PARVB: variants seen among roughly 807,000 people sequenced by gnomAD.
The protein encoded by PARVB is parvin beta.
Under a neutral mutation model 47.0 loss-of-function variants are expected in PARVB, and 46 were observed. The ratio of observed to expected loss-of-function variants is 0.98; its 90% CI spans 0.77 to 1.25. The LOEUF (loss-of-function observed/expected upper bound fraction) is 1.25. PARVB is among the 50% of genes most tolerant of loss of function. The pLI is 0.00. For synonymous variants in PARVB, 196 were observed against 196.3 expected, an observed-to-expected ratio of 1.00 and a Z score of 0.01; for missense variants, 473 against 471.6, an observed-to-expected ratio of 1.00 and a Z score of -0.03.
chr22:44,166,726 C>G (rs2054176238), intron 12 of PARVB, among the ~76,000 whole-genome samples: 1 of 152,264 alleles, frequency 6.6e-6, no homozygotes, highest in Non-Finnish European at 1.5e-5. Context: ...TGGGCCAGCA[C>G]TGGGCAGGGG....
Position 44,125,818 on chromosome 22 carries a change from G to T in PARVB, c.377-5669G>T, listed in dbSNP as rs1284916529. Among the ~76,000 whole-genome samples, 3 of 152,200 alleles carry T rather than the reference G, an allele frequency of 2.0e-5. No homozygotes were observed. Among genetic ancestry groups the T allele is most frequent in the African/African-American group, 7.2e-5 (3 of 41,432 alleles). ...GGCTTCTGGGTGCAGGATGGATGGGGAGGAGAGTCAGGAGTTGGAACTGAG... is the reference window on the plus strand; with the variant it reads ...GGCTTCTGGGTGCAGGATGGATGGGTAGGAGAGTCAGGAGTTGGAACTGAG... On this transcript the variant is annotated intron_variant, in intron 4 of 12. Transcript: ENST00000338758. The surrounding 1 kb of genome is among the most constrained non-coding windows in gnomAD (Gnocchi z 4.1).
chr22:44,024,089 G>C (rs761585537), upstream of PARVB, among the ~76,000 whole-genome samples: 5 of 152,158 alleles, frequency 3.3e-5, no homozygotes, highest in African/African-American at 7.2e-5. Flanking sequence ...AACGCGTAGG[G>C]AAAAGGCTGC....
chr22:44,007,428 C>T (rs927853495), intron 2 of PARVB, among the ~76,000 whole-genome samples: 2 of 152,164 alleles, frequency 1.3e-5, no homozygotes, highest in Non-Finnish European at 2.9e-5. Context: ...GCCAGAGCAT[C>T]CTTTATTCTC....
At chr22:44,134,840 C>T (rs1272929765) in intron 6 of PARVB, among the ~76,000 whole-genome samples, 1 of 152,186 alleles carries the variant, frequency 6.6e-6, no homozygotes, top group African/African-American at 2.4e-5. Context: ...CAATGCTTTT[C>T]CCCATAAAAC....
intron 1 of PARVB, among the ~76,000 whole-genome samples, chr22:44,045,257 A>G (rs1232065377): frequency 1.3e-5 from 2 of 152,146 alleles, no homozygotes; most frequent in Non-Finnish European, 2.9e-5. Flanking sequence ...CTCTGTCTAA[A>G]TAAATAAATA....
In PARVB at chr22:44,100,051, AGAG is replaced by A. The variant is rs748653684; in HGVS notation, c.205_207del (p.Glu69del). 1.4e-4 allele frequency: 223 copies of A among 1,613,626 alleles called. No individual in the cohort carries two copies. Among genetic ancestry groups the A allele is most frequent in the Non-Finnish European group, 1.8e-4 (208 of 1,179,702 alleles). ...ACCGTGACTTCCTTTTGTCCCTGGC[AGAG>A]GAGAACGAGGAGCGCACGATGATTG... On this transcript the variant is annotated splice_acceptor_variant and coding_sequence_variant, in exon 3 of 13. Transcript: ENST00000338758. LOFTEE classifies it high-confidence loss of function.
rs1334643982 is a variant in PARVB, at chr22:44,172,139, G to A, written c.*3461G>A. The stretch of plus-strand genomic sequence containing the variant: ...CCATCAGTTTGAGTCTGAATTCATA[G>A]CATGGCCTGGACAGATGCAGCAAGG... On this transcript the variant is annotated 3_prime_UTR_variant, in exon 13 of 13. Coordinates refer to ENST00000338758, the MANE Select transcript of PARVB (RefSeq NM_013327.5). 2 of 151,788 alleles carry A rather than the reference G, an allele frequency of 1.3e-5. No individual in the cohort carries two copies. Among genetic ancestry groups the A allele is most frequent in the Non-Finnish European group, 2.9e-5 (2 of 67,846 alleles). The allele number at this position is 151,788 out of a possible 1,614,324, so 9.4% of individuals were successfully genotyped here.
chr22:44,062,188 C>A (rs1233528113), intron 1 of PARVB, among the ~76,000 whole-genome samples: 2 of 152,174 alleles, frequency 1.3e-5, no homozygotes, highest in Non-Finnish European at 2.9e-5. Context: ...CCAGCAGACA[C>A]CAGCTGGGTG....
At position 44,120,174 on chromosome 22, in the gene PARVB, G is replaced by C. The variant is rs6006657; in HGVS notation, c.376+1034G>C. 7.4e-3 allele frequency among the ~76,000 whole-genome samples: 1,123 copies of C among 152,298 alleles called. 14 individuals are homozygous for C. Among genetic ancestry groups the C allele is most frequent in the African/African-American group, 0.026 (1,084 of 41,560 alleles). On this transcript the variant is annotated intron_variant, in intron 4 of 12. Coordinates refer to ENST00000338758, the MANE Select transcript of PARVB (RefSeq NM_013327.5). ...TGACCTGTCTACGGAGCAGCCCCAG[G>C]TACAGGGCCTGGGTCAGGCGCTCCT...
chr22:43,999,727 C>G (rs915078150), intron 2 of PARVB: 1 of 1,283,066 alleles, frequency 7.8e-7, no homozygotes, highest in African/African-American at 1.5e-5. Flanking sequence ...GGTGCAGTGG[C>G]TCATGCCTGT....
intron 1 of PARVB, among the ~76,000 whole-genome samples, chr22:44,090,639 G>A (rs2052143680): frequency 2.6e-5 from 4 of 152,258 alleles, no homozygotes; most frequent in Non-Finnish European, 5.9e-5. Flanking sequence ...CCAGGCACAT[G>A]GGTGCAGTGC....
chr22:44,168,515 T>A (rs566589642), intron 12 of PARVB, 87 bp from the exon 13 acceptor site: 3 of 863,704 alleles, frequency 3.5e-6, no homozygotes, highest in East Asian at 4.8e-5. Flanking sequence ...GCAGCTGGTG[T>A]CATGCTGGAG....
At chr22:44,002,367 C>A (rs577813812) in intron 2 of PARVB, among the ~76,000 whole-genome samples, 1 of 152,318 alleles carries the variant, frequency 6.6e-6, no homozygotes, top group Admixed American at 6.5e-5. Flanking sequence ...GACTTAAGCA[C>A]CCTCCTTTTA....
chr22:44,048,567 T>G (rs1380108323), intron 1 of PARVB, among the ~76,000 whole-genome samples: 2 of 151,780 alleles, frequency 1.3e-5, no homozygotes, highest in Non-Finnish European at 2.9e-5. Flanking sequence ...TTATTTTTAT[T>G]TATTTATTTT....
intron 1 of PARVB, among the ~76,000 whole-genome samples, chr22:44,055,209 A>G (rs1418471957): frequency 6.6e-6 from 1 of 152,064 alleles, no homozygotes; most frequent in African/African-American, 2.4e-5. Flanking sequence ...CCCGAGCCAT[A>G]TGCCCCGTAC....
chr22:44,122,468 A>C (rs914441024), intron 4 of PARVB, among the ~76,000 whole-genome samples: 18 of 147,062 alleles, frequency 1.2e-4, no homozygotes, highest in African/African-American at 2.0e-4. Flanking sequence ...CCTAGGCAAC[A>C]GAGTGAGACC....
chr22:44,077,073 C>A (rs2051792493), intron 1 of PARVB, among the ~76,000 whole-genome samples: 1 of 152,224 alleles, frequency 6.6e-6, no homozygotes, highest in African/African-American at 2.4e-5. Flanking sequence ...CCTGGGGCAG[C>A]ATGGGGTGTG....
At chr22:44,127,742 A>G (rs1051756884) in intron 4 of PARVB, among the ~76,000 whole-genome samples, 1 of 151,080 alleles carries the variant, frequency 6.6e-6, no homozygotes, top group Non-Finnish European at 1.5e-5. Context: ...CCATGTGGAA[A>G]TTGCCCAGAG....
At chr22:44,098,251 C>T (rs1440361032) in intron 2 of PARVB, among the ~76,000 whole-genome samples, 1 of 152,216 alleles carries the variant, frequency 6.6e-6, no homozygotes. Context: ...GACTCACGGC[C>T]TGGCCCTGCT....
Sources: gnomAD v4.1 joint callset for allele counts (sites outside exome capture counted in the v4.1 genomes callset) on GRCh38, gnomAD v4.1.1 for gene constraint, Gnocchi (gnomAD v3.1) non-coding constraint, MANE v1.5 for transcripts, NCBI Gene and HGNC (gene_info 2026-07-23, HGNC 2026-07-21) for gene names.